LONP1: variants seen among roughly 807,000 people sequenced by gnomAD.
LONP1 encodes lon peptidase 1, mitochondrial.
LONP1 carries 31 observed loss-of-function variants against 98.5 expected under a neutral mutation model. The ratio of observed to expected loss-of-function variants is 0.31; its 90% CI spans 0.24 to 0.42. The LOEUF (loss-of-function observed/expected upper bound fraction) is 0.42. Ranked by LOEUF, LONP1 falls within the 20% of genes least tolerant of loss-of-function variation. LONP1 has a pLI of 1.00. For missense variants in LONP1, 1,336 were observed against 1,350.6 expected, an observed-to-expected ratio of 0.99 and a Z score of 0.17; for synonymous variants, 781 against 594.7, an observed-to-expected ratio of 1.31 and a Z score of -4.56.
chr19:5,697,364 G>A (rs369663996), intron 10 of LONP1, among the ~76,000 whole-genome samples: 3 of 151,788 alleles, frequency 2.0e-5, no homozygotes, highest in Admixed American at 6.6e-5. Context: ...CCCGAGCAAC[G>A]CACGTGAGGA....
chr19:5,717,891 C>CTTTTTTTTT (rs532198283), intron 1 of LONP1, among the ~76,000 whole-genome samples: 6 of 133,262 alleles, frequency 4.5e-5, no homozygotes, highest in African/African-American at 8.4e-5. Context: ...TTCTTTCTTT[C>CTTTTTTTTT]TTTTTTTTTT....
chr19:5,696,038 GA>G lies in LONP1; in HGVS notation c.2013+15del. On this transcript the variant is annotated intron_variant, in intron 13 of 17. Transcript: ENST00000360614. ...GCTCTGGGAAGGGGACAGCAGTGGG[GA>G]GGGGCTGGGCTTACCTCCGCAATGG... 1.9e-6 allele frequency: 3 copies of G among 1,607,060 alleles called. No individual in the cohort carries two copies. Among genetic ancestry groups the G allele is most frequent in the Non-Finnish European group, 2.5e-6 (3 of 1,176,966 alleles).
intron 10 of LONP1, 71 bp downstream of exon 10, chr19:5,698,956 G>A: frequency 2.0e-6 from 3 of 1,467,112 alleles, no homozygotes. Context: ...GTTAAAGGGT[G>A]ACCGGAGAAG....
chr19:5,702,183 G>A (rs1428775363), intron 8 of LONP1, among the ~76,000 whole-genome samples: 5 of 149,408 alleles, frequency 3.3e-5, no homozygotes, highest in South Asian at 2.1e-4. Context: ...CCGGCCAGCC[G>A]CCCCCTCCGG....
chr19:5,705,539 A>G (rs374063889), intron 8 of LONP1, among the ~76,000 whole-genome samples: 54 of 151,042 alleles, frequency 3.6e-4, no homozygotes, highest in African/African-American at 1.3e-3. Context: ...CTGCCAATTC[A>G]CAGGCCCTGG....
At chr19:5,701,018 A>AGCGCGGTGCTG in intron 8 of LONP1, 91 bp from the exon 9 acceptor site, 2 of 1,467,226 alleles carry the variant, frequency 1.4e-6, no homozygotes, top group Non-Finnish European at 1.9e-6. Flanking sequence ...AAGGGGCTTG[A>AGCGCGGTGCTG]AACCCATGTG....
At chr19:5,692,861 G>C (rs2054853860) in intron 17 of LONP1, among the ~76,000 whole-genome samples, 2 of 152,178 alleles carry the variant, frequency 1.3e-5, no homozygotes, top group African/African-American at 4.8e-5. Flanking sequence ...CACATGGCAA[G>C]TGTGGTCCAG....
chr19:5,719,092 G>A (rs1453900218), intron 1 of LONP1, among the ~76,000 whole-genome samples: 1 of 152,030 alleles, frequency 6.6e-6, no homozygotes, highest in East Asian at 1.9e-4. Flanking sequence ...TAAGAGACAG[G>A]GTCTCGCCAT....
chr19:5,698,761 G>T (rs565850853), intron 10 of LONP1, among the ~76,000 whole-genome samples: 1 of 152,202 alleles, frequency 6.6e-6, no homozygotes, highest in African/African-American at 2.4e-5. Flanking sequence ...TGGAACTACC[G>T]GGGGTGTCTG....
At chr19:5,714,612 GCTTTT>G (rs937354429) in intron 1 of LONP1, among the ~76,000 whole-genome samples, 5 of 140,758 alleles carry the variant, frequency 3.6e-5, no homozygotes, top group African/African-American at 1.3e-4. Flanking sequence ...GCACAGGGTA[GCTTTT>G]CTTTTTTTTT....
chr19:5,696,461 C>T, intron 11 of LONP1, 90 bp from the exon 12 acceptor site: 2 of 1,526,392 alleles, frequency 1.3e-6, no homozygotes, highest in Non-Finnish European at 8.9e-7. Context: ...CTGGGGAGAC[C>T]CCGAGTGAGA....
intron 10 of LONP1, among the ~76,000 whole-genome samples, chr19:5,697,112 T>TA (rs1187792817): frequency 6.6e-6 from 1 of 152,132 alleles, no homozygotes; most frequent in Non-Finnish European, 1.5e-5. Context: ...GCTGGGGTGA[T>TA]ACTAGCCATG....
rs191275320 is a variant in LONP1, at chr19:5,696,237, C to G, written c.1896+12G>C. The G allele has an allele frequency of 8.2e-4, 1,325 of 1,613,012 alleles. 9 individuals are homozygous for G. In the Middle Eastern group the frequency reaches 0.02, roughly 24 times the overall value. ...CTCCCCAGCAAGCCCAGGCCCCAGA[C>G]AGGCCCCCCACCTTGGACAAGTCCA... On this transcript the variant is annotated intron_variant, in intron 12 of 17. Coordinates refer to ENST00000360614, the MANE Select transcript of LONP1 (RefSeq NM_004793.4).
At chr19:5,696,197 G>T in intron 12 of LONP1, 27 bp from the exon 13 acceptor site, 1 of 1,612,688 alleles carries the variant, frequency 6.2e-7, no homozygotes, top group Non-Finnish European at 8.5e-7. Flanking sequence ...GGTGCTGGGG[G>T]ACTGGCCGCT....
rs1337964924 is a variant in LONP1, at chr19:5,700,727, A to G, written c.1506+62T>C. ...CCTTTGAAATCTCAACCCACAGCAC[A>G]CAAGAGTCCTGGGCCCGGGCACCCA... On this transcript the variant is annotated intron_variant, in intron 9 of 17. Coordinates refer to ENST00000360614, the MANE Select transcript of LONP1 (RefSeq NM_004793.4). The G allele has an allele frequency of 3.8e-6, 6 of 1,599,872 alleles. No homozygotes were observed. The East Asian group carries it at 1.1e-4, about 30-fold the overall frequency.
intron 4 of LONP1, among the ~76,000 whole-genome samples, chr19:5,711,356 G>A (rs2055234090): frequency 1.3e-5 from 2 of 152,244 alleles, no homozygotes; most frequent in South Asian, 2.1e-4. Flanking sequence ...CAGGCAGGAC[G>A]GCCTAGGTTG....
At chr19:5,720,429 CAT>C (rs1271511028), upstream of LONP1, 3 of 583,042 alleles carry the variant, frequency 5.1e-6, no homozygotes, top group Non-Finnish European at 9.0e-6. Context: ...TTTAGGAACT[CAT>C]GAGCAGCCTG....
rs2055172227 is a variant in LONP1 at position 5,707,810 on chromosome 19, T to C, written c.949A>G (p.Met317Val). 1 of 1,613,046 alleles carries C rather than the reference T, an allele frequency of 6.2e-7. No homozygotes were observed. Among genetic ancestry groups the C allele is most frequent in the East Asian group, 2.2e-5 (1 of 44,864 alleles). ...NPLYRESVLQMMQAGQRVVDN... is the reference protein window; with the variant it reads ...NPLYRESVLQVMQAGQRVVDN... ...ACCACCCGCTGGCCAGCCTGCATCA[T>C]CTGCAGCACTGACTCCCTGGGGGAC... The change falls in exon 6 of 18, where the codon ATG becomes GTG. Residue 317 changes from methionine (M) to valine (V), a missense_variant. This residue lies in a region of LONP1 where 97 missense variants were observed against 139.0 expected (regional missense o/e 0.70). Coordinates refer to ENST00000360614, the MANE Select transcript of LONP1 (RefSeq NM_004793.4).
chr19:5,711,909 C>T lies in LONP1; in HGVS notation c.732G>A (p.Lys244=), dbSNP rs754145522. 9.3e-6 allele frequency: 15 copies of T among 1,611,124 alleles called. No homozygotes were observed. The Admixed American group carries it at 1.2e-4, about 13-fold the overall frequency. ...KPRRKSKRGK[K]EAEDELSARH... is the part of the protein sequence containing the mutation. Reference sequence around the variant, plus strand: ...TGGCGCTCAGCTCGTCCTCCGCCTCCTTCTTGCCCCGCTTTGACTTCCTGC... The same window carrying T: ...TGGCGCTCAGCTCGTCCTCCGCCTCTTTCTTGCCCCGCTTTGACTTCCTGC... The change falls in exon 4 of 18, where the codon AAG becomes AAA. Residue 244 remains lysine, a synonymous_variant. Transcript: ENST00000360614.
Sources: allele counts gnomAD v4.1 joint callset (sites outside exome capture counted in the v4.1 genomes callset), GRCh38; gene constraint gnomAD v4.1.1; regional missense constraint gnomAD v4.1.1; transcripts MANE v1.5; gene names NCBI Gene and HGNC (gene_info 2026-07-23, HGNC 2026-07-21).